RPH3A: variants seen among roughly 807,000 people sequenced by gnomAD.
The protein encoded by RPH3A is rabphilin 3A.
Under a neutral mutation model 102.2 loss-of-function variants are expected in RPH3A, and 48 were observed. That is an observed-to-expected ratio of 0.47 (90% CI 0.37 to 0.60). The LOEUF (loss-of-function observed/expected upper bound fraction) is 0.60. Ranked by LOEUF, RPH3A falls within the 20% of genes least tolerant of loss-of-function variation. The pLI, the probability that RPH3A is intolerant of heterozygous loss-of-function variation, is 0.00. For missense variants in RPH3A, 781 were observed against 910.1 expected, an observed-to-expected ratio of 0.86 and a Z score of 1.83; for synonymous variants, 310 against 324.3, an observed-to-expected ratio of 0.96 and a Z score of 0.47.
intron 1 of RPH3A, among the ~76,000 whole-genome samples, chr12:112,616,918 C>T (rs960247259): frequency 1.3e-5 from 2 of 152,208 alleles, no homozygotes; most frequent in African/African-American, 2.4e-5. Context: ...CAGACTTTAT[C>T]GAGAGCATCC....
rs113713659 is a variant in RPH3A at position 112,714,900 on chromosome 12, T to C, written c.-139-77243T>C. ...CCGGTCTATTTTTGCTTCTATACTT[T>C]GCTCATGTTTCTTTCTCTTTTTCTA... On this transcript the variant is annotated intron_variant, in intron 1 of 21. Coordinates refer to the RPH3A transcript ENST00000543106. 6.6e-4 allele frequency among the ~76,000 whole-genome samples: 101 copies of C among 152,342 alleles called. 1 individual carries two copies. Among genetic ancestry groups the C allele is most frequent in the African/African-American group, 2.4e-3 (98 of 41,574 alleles).
chr12:112,782,976 A>G (rs541725128), intron 1 of RPH3A, among the ~76,000 whole-genome samples: 28 of 152,336 alleles, frequency 1.8e-4, no homozygotes, highest in African/African-American at 6.5e-4. Context: ...TTGGACACAC[A>G]GTGTTAGATC....
At chr12:112,694,642 GCGCACACGCA>G (rs11276753) in intron 1 of RPH3A, among the ~76,000 whole-genome samples, 4,953 of 140,170 alleles carry the variant, frequency 0.035, 174 homozygotes, top group African/African-American at 0.087. Context: ...ACGCGCGCGC[GCGCACACGCA>G]CACACACACA....
intron 1 of RPH3A, among the ~76,000 whole-genome samples, chr12:112,608,445 T>C (rs1259922725): frequency 6.6e-6 from 1 of 152,186 alleles, no homozygotes; most frequent in Non-Finnish European, 1.5e-5. Context: ...CTGCCCATGG[T>C]AGATTCTTAG....
At chr12:112,610,928 A>G (rs1160904456) in intron 1 of RPH3A, among the ~76,000 whole-genome samples, 1 of 152,054 alleles carries the variant, frequency 6.6e-6, no homozygotes, top group African/African-American at 2.4e-5. Flanking sequence ...GAGCCCCCGC[A>G]CCCACCTGTC....
At chr12:112,787,840 C>T (rs2041061902), upstream of RPH3A, among the ~76,000 whole-genome samples, 1 of 152,212 alleles carries the variant, frequency 6.6e-6, no homozygotes, top group Non-Finnish European at 1.5e-5. Context: ...GCTATTACTA[C>T]CTTCATCATT....
Position 112,894,623 on chromosome 12 carries a change from A to T in RPH3A, c.1821A>T (p.Gln607His). ...DMGKKAKHKT[Q>H]IKKKTLNPEF... ...GAAAGAAGGCCAAACACAAGACTCAAATTAAAAAGAAAACCTTGAATCCCG... is the reference window on the plus strand; with the variant it reads ...GAAAGAAGGCCAAACACAAGACTCATATTAAAAAGAAAACCTTGAATCCCG... The change falls in exon 20 of 22, where the codon CAA (glutamine) becomes CAT (histidine). Residue 607 changes from glutamine to histidine, a missense_variant. Around this residue, in one of 2 missense-constraint regions of RPH3A, gnomAD observed 730 missense variants for 810.0 expected, o/e 0.90. Coordinates refer to ENST00000389385, the MANE Select transcript of RPH3A (RefSeq NM_001143854.2). The T allele has an allele frequency of 8.1e-6, 13 of 1,613,982 alleles. No homozygotes were observed. The highest frequency in any genetic ancestry group is 1.1e-5 in the Non-Finnish European group (13 of 1,179,972).
intron 1 of RPH3A, among the ~76,000 whole-genome samples, chr12:112,698,905 C>T (rs2040372447): frequency 7.3e-6 from 1 of 136,944 alleles, no homozygotes; most frequent in South Asian, 2.8e-4. Flanking sequence ...TCCCCTTCCT[C>T]CTCCCCCTCC....
intron 1 of RPH3A, among the ~76,000 whole-genome samples, chr12:112,672,482 C>T (rs546827387): frequency 3.5e-4 from 53 of 152,312 alleles, no homozygotes; most frequent in African/African-American, 1.3e-3. Context: ...GTGCAGTTCT[C>T]TGAGCTATGT....
At chr12:112,677,459 TTCCTTCCTTCCTTC>T (rs1566254548) in intron 1 of RPH3A, among the ~76,000 whole-genome samples, 12 of 132,172 alleles carry the variant, frequency 9.1e-5, no homozygotes, top group African/African-American at 3.2e-4. Flanking sequence ...CCTTCCTTCC[TTCCTTCCTTCCTTC>T]CTTCCTTCCT....
At chr12:112,758,354 T>C (rs1446218722) in intron 1 of RPH3A, among the ~76,000 whole-genome samples, 1 of 152,220 alleles carries the variant, frequency 6.6e-6, no homozygotes, top group Non-Finnish European at 1.5e-5. Context: ...CCAGAATGCT[T>C]TTGCCTGGGC....
chr12:112,576,909 CT>C (rs3036138), intron 1 of RPH3A, among the ~76,000 whole-genome samples: 113 of 114,532 alleles, frequency 9.9e-4, no homozygotes, highest in Middle Eastern at 4.9e-3. Context: ...TCTTTTCTTC[CT>C]TTTTTTTTTT....
At chr12:112,746,201 G>A (rs1297572124) in intron 1 of RPH3A, among the ~76,000 whole-genome samples, 5 of 151,326 alleles carry the variant, frequency 3.3e-5, no homozygotes, top group South Asian at 4.2e-4. Context: ...CCTACTATGC[G>A]TTCATCCACC....
At chr12:112,863,468 C>T (rs1470423301) in intron 5 of RPH3A, among the ~76,000 whole-genome samples, 2 of 152,210 alleles carry the variant, frequency 1.3e-5, no homozygotes, top group African/African-American at 4.8e-5. Flanking sequence ...CAGATGCACA[C>T]CACCAGGCCC....
intron 1 of RPH3A, among the ~76,000 whole-genome samples, chr12:112,591,378 C>T (rs1173878188): frequency 6.6e-6 from 1 of 152,274 alleles, no homozygotes; most frequent in Non-Finnish European, 1.5e-5. Flanking sequence ...GTGTGAGCCA[C>T]TGCACTGGCC....
At chr12:112,709,338 C>G (rs573982986) in intron 1 of RPH3A, among the ~76,000 whole-genome samples, 1 of 152,126 alleles carries the variant, frequency 6.6e-6, no homozygotes, top group East Asian at 1.9e-4. Flanking sequence ...TTGCTTGAGG[C>G]CAGGAGTTTG....
intron 1 of RPH3A, among the ~76,000 whole-genome samples, chr12:112,639,294 C>G (rs1009723226): frequency 2.6e-5 from 4 of 152,064 alleles, no homozygotes; most frequent in Admixed American, 6.6e-5. Context: ...ATAAAAAGCC[C>G]CACAAAGGAA....
intron 1 of RPH3A, among the ~76,000 whole-genome samples, chr12:112,713,243 A>G (rs533816584): frequency 1.3e-5 from 2 of 151,730 alleles, no homozygotes; most frequent in South Asian, 2.1e-4. Context: ...GTATTTGTAT[A>G]TATATAACCT....
intron 1 of RPH3A, among the ~76,000 whole-genome samples, chr12:112,630,950 CT>C (rs1402593628): frequency 6.6e-6 from 1 of 152,064 alleles, no homozygotes; most frequent in Non-Finnish European, 1.5e-5. Context: ...ACTCAGCTAG[CT>C]TAATTAAGGG....
Sources: allele counts gnomAD v4.1 joint callset (sites outside exome capture counted in the v4.1 genomes callset), GRCh38; gene constraint gnomAD v4.1.1; regional missense constraint gnomAD v4.1.1; transcripts MANE v1.5; gene names NCBI Gene and HGNC (gene_info 2026-07-23, HGNC 2026-07-21).